The following FAF1 variants were observed in gnomAD, a reference collection of about 807,000 sequenced individuals.
FAF1 encodes the protein FAS-associated factor 1.
Under a neutral mutation model 92.5 loss-of-function variants are expected in FAF1, and 25 were observed. The observed-to-expected ratio is 0.27, with a 90% CI of 0.20 to 0.38. The LOEUF is 0.38. Among genes scored for constraint, FAF1 ranks in the 10% least tolerant of loss-of-function variants. FAF1 has a pLI of 1.00. For synonymous variants in FAF1, 234 were observed against 273.2 expected (o/e 0.86, Z 1.42); for missense variants, 636 against 793.3 (o/e 0.80, Z 2.38).
rs1186972898 is a variant in FAF1 at position 50,802,881 on chromosome 1, G to T, written c.115-1204C>A. Among the ~76,000 whole-genome samples the T allele has an allele frequency of 4.6e-5, 7 of 152,192 alleles. No homozygotes were observed. In the East Asian group the frequency reaches 1.2e-3, roughly 25 times the overall value. ...CTGCCAAAAGGAGTTTGGGTATTTT[G>T]TGAAATACTAACTTAAGTATTTGCC... On this transcript the variant is annotated intron_variant, in intron 2 of 18. Coordinates refer to ENST00000396153, the MANE Select transcript of FAF1 (RefSeq NM_007051.3).
At chr1:50,536,719 C>A (rs1278637) in intron 14 of FAF1, among the ~76,000 whole-genome samples, 1 of 152,188 alleles carries the variant, frequency 6.6e-6, no homozygotes, top group Non-Finnish European at 1.5e-5. Flanking sequence ...CCATTACTTA[C>A]AAGCTATATA....
At chr1:50,658,552 T>A (rs941980633) in intron 7 of FAF1, among the ~76,000 whole-genome samples, 16 of 152,250 alleles carry the variant, frequency 1.1e-4, no homozygotes, top group African/African-American at 3.9e-4. Context: ...AAGCATGTCC[T>A]GGCTATAGTG....
intron 4 of FAF1, among the ~76,000 whole-genome samples, chr1:50,747,097 A>G (rs1311404904): frequency 6.6e-6 from 1 of 152,226 alleles, no homozygotes; most frequent in East Asian, 1.9e-4. Flanking sequence ...AGGACAGTGC[A>G]GAGAAGAAAT....
chr1:50,805,385 T>A (rs1662154355), intron 2 of FAF1, among the ~76,000 whole-genome samples: 1 of 152,072 alleles, frequency 6.6e-6, no homozygotes, highest in South Asian at 2.1e-4. Flanking sequence ...AACAATACCC[T>A]CTAAAATGCC....
intron 4 of FAF1, among the ~76,000 whole-genome samples, chr1:50,754,560 A>G (rs1051621472): frequency 6.6e-6 from 1 of 152,142 alleles, no homozygotes; most frequent in African/African-American, 2.4e-5. Flanking sequence ...GACTTTTCCT[A>G]CTTCTTAGAT....
chr1:50,707,300 C>T (rs1443487192), intron 6 of FAF1, among the ~76,000 whole-genome samples: 1 of 151,872 alleles, frequency 6.6e-6, no homozygotes, highest in East Asian at 1.9e-4. Flanking sequence ...TAGCGAGCAC[C>T]AATATATGTA....
intron 15 of FAF1, among the ~76,000 whole-genome samples, chr1:50,517,443 A>G (rs1647258640): frequency 6.6e-6 from 1 of 152,222 alleles, no homozygotes; most frequent in Admixed American, 6.5e-5. Flanking sequence ...TAAAAATAAC[A>G]GCAATAATAG....
chr1:50,735,370 AGATTAT>A (rs1290699834), intron 6 of FAF1, among the ~76,000 whole-genome samples: 2 of 152,220 alleles, frequency 1.3e-5, no homozygotes, highest in Non-Finnish European at 2.9e-5. Context: ...ACTGTTACAA[AGATTAT>A]GATTAAGAGT....
At chr1:50,504,193 C>T (rs1047847384) in intron 15 of FAF1, among the ~76,000 whole-genome samples, 1 of 147,852 alleles carries the variant, frequency 6.8e-6, no homozygotes, top group Admixed American at 6.7e-5. Flanking sequence ...CAGAAAGATA[C>T]AGAGAAATAA....
chr1:50,638,831 T>C lies in FAF1; in HGVS notation c.744+16611A>G, dbSNP rs376493368. 5.9e-5 allele frequency among the ~76,000 whole-genome samples: 9 copies of C among 152,300 alleles called. No homozygotes were observed. The East Asian group carries it at 1.5e-3, about 26-fold the overall frequency. On this transcript the variant is annotated intron_variant, in intron 8 of 18. Transcript: ENST00000396153. ...TTGCTAAGTTAGTTTGCTTTTGCTTTGAAAAAAAACTTATTTTTATGAAAG... is the reference window on the plus strand; with the variant it reads ...TTGCTAAGTTAGTTTGCTTTTGCTTCGAAAAAAAACTTATTTTTATGAAAG...
chr1:50,777,970 A>G (rs72902744), intron 4 of FAF1, among the ~76,000 whole-genome samples: 10,124 of 152,274 alleles, frequency 0.066, 416 homozygotes, highest in East Asian at 0.095. Flanking sequence ...AGGTCAAAAG[A>G]AGAATGTTTA....
At chr1:50,476,992 TG>T (rs1646646826) in intron 17 of FAF1, among the ~76,000 whole-genome samples, 2 of 152,186 alleles carry the variant, frequency 1.3e-5, no homozygotes, top group Non-Finnish European at 2.9e-5. Context: ...TGACATCTGG[TG>T]TTTTCTGCAT....
chr1:50,658,740 C>G (rs1246161318), intron 7 of FAF1, among the ~76,000 whole-genome samples: 1 of 152,206 alleles, frequency 6.6e-6, no homozygotes, highest in Non-Finnish European at 1.5e-5. Context: ...CTGAGAGAGT[C>G]CCATGTAAAG....
chr1:50,836,170 G>GTTTTTTTGTTTTTTTTTTTTTTTTTT (rs1553144965), intron 2 of FAF1, among the ~76,000 whole-genome samples: 1 of 98,526 alleles, frequency 1.0e-5, no homozygotes, highest in Non-Finnish European at 2.0e-5. Flanking sequence ...TTTTGTTTCT[G>GTTTTTTTGTTTTTTTTTTTTTTTTTT]TTTTTTTTTT....
intron 15 of FAF1, among the ~76,000 whole-genome samples, chr1:50,508,039 AT>A (rs1351226212): frequency 6.6e-6 from 1 of 152,220 alleles, no homozygotes; most frequent in Non-Finnish European, 1.5e-5. Flanking sequence ...CACAAACAAG[AT>A]ACCACCTTTA....
chr1:50,801,373 A>G (rs892185806), intron 3 of FAF1, among the ~76,000 whole-genome samples: 2 of 152,242 alleles, frequency 1.3e-5, no homozygotes, highest in South Asian at 2.1e-4. Context: ...AAATCAAAGG[A>G]TAAGCTTGAA....
intron 4 of FAF1, among the ~76,000 whole-genome samples, chr1:50,757,157 G>C (rs568120249): frequency 7.8e-4 from 119 of 152,278 alleles, no homozygotes; most frequent in Non-Finnish European, 1.2e-3. Flanking sequence ...TTTTGTGACT[G>C]AGCATATGTT....
At chr1:50,910,297 G>T (rs1644874309) in intron 1 of FAF1, among the ~76,000 whole-genome samples, 1 of 152,170 alleles carries the variant, frequency 6.6e-6, no homozygotes, top group Non-Finnish European at 1.5e-5. Flanking sequence ...GCCCCTACTG[G>T]GAGGTGTCTC....
Position 50,596,626 on chromosome 1 carries a change from A to C in FAF1, c.745-410T>G, listed in dbSNP as rs141553823. Among the ~76,000 whole-genome samples, 37 of 152,344 alleles carry C rather than the reference A, an allele frequency of 2.4e-4. No individual in the cohort carries two copies. The East Asian group carries it at 6.4e-3, about 26-fold the overall frequency. ...AGATACAAAATTTAAAATTTCCATA[A>C]GATACATATATCAGAAATATACAAA... On this transcript the variant is annotated intron_variant, in intron 8 of 18. Coordinates refer to ENST00000396153, the MANE Select transcript of FAF1 (RefSeq NM_007051.3).
Sources: gnomAD v4.1 joint callset for allele counts (sites outside exome capture counted in the v4.1 genomes callset) on GRCh38, gnomAD v4.1.1 for gene constraint, MANE v1.5 for transcripts, NCBI Gene and HGNC (gene_info 2026-07-23, HGNC 2026-07-21) for gene names.